The following GREB1L variants were observed in gnomAD, a reference collection of about 807,000 sequenced individuals.
The protein encoded by GREB1L is GREB1-like protein.
A neutral mutation model predicts 200.8 loss-of-function variants in GREB1L; 17 were observed. That is an observed-to-expected ratio of 0.08 (90% CI 0.06 to 0.13). GREB1L has a LOEUF of 0.13. Ranked by LOEUF, GREB1L falls within the 10% of genes least tolerant of loss-of-function variation. GREB1L has a pLI of 1.00. For missense variants in GREB1L, 1,657 were observed against 2,367.7 expected (o/e 0.70, Z 6.23); for synonymous variants, 789 against 893.0 (o/e 0.88, Z 2.08).
chr18:21,386,649 G>A (rs1248758329), intron 4 of GREB1L, among the ~76,000 whole-genome samples: 3 of 146,732 alleles, frequency 2.0e-5, no homozygotes, highest in Non-Finnish European at 3.0e-5. Context: ...GACTACAGGC[G>A]CCCGCTAACA....
intron 11 of GREB1L, among the ~76,000 whole-genome samples, chr18:21,445,550 CTT>C (rs1374295672): frequency 1.3e-5 from 2 of 152,102 alleles, no homozygotes; most frequent in Non-Finnish European, 2.9e-5. Flanking sequence ...AGTATGCACT[CTT>C]GTGAAATTTT....
At chr18:21,504,684 C>T (rs2036939535) in intron 23 of GREB1L, among the ~76,000 whole-genome samples, 1 of 152,156 alleles carries the variant, frequency 6.6e-6, no homozygotes, top group South Asian at 2.1e-4. Flanking sequence ...AAAACGTTAG[C>T]TGGGCATGGT....
rs112693376 is a variant in GREB1L, at chr18:21,454,862, G to A, written c.2182+299G>A. 9.6e-4 allele frequency: 379 copies of A among 393,260 alleles called. 1 individual carries two copies. Among genetic ancestry groups the A allele is most frequent in the African/African-American group, 7.3e-3 (353 of 48,306 alleles). The allele number at this position is 393,260 out of a possible 1,614,324, so 24.4% of individuals were successfully genotyped here. ...ATGGATGAAGAGAAATTTTCTCAAG[G>A]CGAGGATGGCCCTGCATGGGTTGAT... On this transcript the variant is annotated intron_variant, in intron 15 of 32. Transcript: ENST00000424526.
chr18:21,451,006 T>G lies in GREB1L; in HGVS notation c.1721-17T>G. The stretch of plus-strand genomic sequence containing the variant: ...TGTTCTGTTGATGAGTCTTCTCTTC[T>G]CTCCTCCATCCTGCAGGTCAGCACC... On this transcript the variant is annotated splice_polypyrimidine_tract_variant and intron_variant, in intron 12 of 32. Transcript: ENST00000424526. The G allele has an allele frequency of 6.4e-7, 1 of 1,550,968 alleles. No individual in the cohort carries two copies. The highest frequency in any genetic ancestry group is 1.4e-5 in the African/African-American group (1 of 73,124).
chr18:21,254,061 A>ATTTTTTTTT (rs547876546), intron 1 of GREB1L, among the ~76,000 whole-genome samples: 1 of 70,426 alleles, frequency 1.4e-5, no homozygotes, highest in African/African-American at 6.7e-5. Flanking sequence ...TTTCAGGCAT[A>ATTTTTTTTT]TTTTTTTTTT....
intron 1 of GREB1L, among the ~76,000 whole-genome samples, chr18:21,362,053 C>T (rs2039587788): frequency 6.6e-6 from 1 of 151,876 alleles, no homozygotes; most frequent in African/African-American, 2.4e-5. Flanking sequence ...TATAAGTGTT[C>T]TATAATTATT....
At chr18:21,337,854 G>A (rs2039210081) in intron 1 of GREB1L, among the ~76,000 whole-genome samples, 1 of 151,996 alleles carries the variant, frequency 6.6e-6, no homozygotes, top group Non-Finnish European at 1.5e-5. Context: ...GGGCGTGGTG[G>A]TGGGCGCCTA....
At chr18:21,360,304 C>T (rs1216151444) in intron 1 of GREB1L, among the ~76,000 whole-genome samples, 1 of 152,148 alleles carries the variant, frequency 6.6e-6, no homozygotes, top group Non-Finnish European at 1.5e-5. Context: ...CTGCAACCTC[C>T]GCCTCCCGGG....
chr18:21,265,839 A>G (rs1467723679), intron 1 of GREB1L, among the ~76,000 whole-genome samples: 3 of 152,098 alleles, frequency 2.0e-5, no homozygotes, highest in Non-Finnish European at 4.4e-5. Flanking sequence ...GAAATGACCT[A>G]ATTTTAGTAT....
chr18:21,250,965 A>T (rs757537852), intron 1 of GREB1L, among the ~76,000 whole-genome samples: 22 of 152,134 alleles, frequency 1.4e-4, no homozygotes, highest in Non-Finnish European at 2.6e-4. Flanking sequence ...CTCCATGCAT[A>T]TTTATATATA....
chr18:21,244,738 C>T (rs540581070), intron 1 of GREB1L, among the ~76,000 whole-genome samples: 57 of 152,284 alleles, frequency 3.7e-4, no homozygotes, highest in Non-Finnish European at 7.1e-4. Context: ...AACAGCTACT[C>T]TCCTTACCCA....
intron 1 of GREB1L, among the ~76,000 whole-genome samples, chr18:21,294,949 G>T (rs958521317): frequency 1.3e-5 from 2 of 151,962 alleles, no homozygotes; most frequent in Admixed American, 1.3e-4. Context: ...AATTTCCCTT[G>T]GTATGTGTCC....
At chr18:21,452,016 G>A (rs2034550744) in intron 13 of GREB1L, 67 bp from the exon 14 acceptor site, 1 of 1,463,002 alleles carries the variant, frequency 6.8e-7, no homozygotes. Flanking sequence ...TGCCCAACTT[G>A]GGCAGTTAAT....
rs189772001 is a variant in GREB1L at position 21,383,774 on chromosome 18, G to A, written c.157+99G>A. ...GTTGCCCAGGCTGGAGTGCAGTGGC[G>A]TGATCTCGGCTCACTGCAACGTCTG... On this transcript the variant is annotated intron_variant, in intron 3 of 32. Transcript: ENST00000424526. 136 of 1,191,122 alleles carry A rather than the reference G, an allele frequency of 1.1e-4. No homozygotes were observed. The African/African-American group carries it at 1.3e-3, about 12-fold the overall frequency. The allele number at this position is 1,191,122 out of a possible 1,614,324, so 73.8% of individuals were successfully genotyped here.
intron 8 of GREB1L, 40 bp downstream of exon 8, chr18:21,439,677 C>G: frequency 1.6e-6 from 2 of 1,249,758 alleles, no homozygotes; most frequent in Non-Finnish European, 2.3e-6. Flanking sequence ...AATGCACTTA[C>G]CAGTGGTTAC....
In GREB1L at chr18:21,429,129, T is replaced by TCCTTCCTTCCTTCCTTCCTTCCTTCCTC. The variant is rs1555645533; in HGVS notation, c.833-10373_833-10372insTCCTTCCTCCCTTCCTTCCTTCCTTCCT. 8.2e-4 allele frequency among the ~76,000 whole-genome samples: 107 copies of TCCTTCCTTCCTTCCTTCCTTCCTTCCTC among 130,874 alleles called. 1 individual carries two copies. The highest frequency in any genetic ancestry group is 3.4e-3 in the African/African-American group (105 of 30,478). The allele number at this position is 130,874 out of a possible 152,430, so 85.9% of individuals were successfully genotyped here. ...ATTCTCCCTTCCTTCCTTCCTTCCT[T>TCCTTCCTTCCTTCCTTCCTTCCTTCCTC]CCTTCCTTCCTTCCTTCCTCCCTTC... On this transcript the variant is annotated intron_variant, in intron 7 of 32. Transcript: ENST00000424526.
At chr18:21,450,624 A>G (rs1018538460) in intron 12 of GREB1L, 16 of 156,802 alleles carry the variant, frequency 1.0e-4, no homozygotes, top group African/African-American at 3.6e-4. Flanking sequence ...AAGGTTTTTC[A>G]TACTCTTCCC....
At chr18:21,437,924 C>T (rs1240016277) in intron 7 of GREB1L, among the ~76,000 whole-genome samples, 1 of 152,164 alleles carries the variant, frequency 6.6e-6, no homozygotes, top group African/African-American at 2.4e-5. Flanking sequence ...AAATTATTGG[C>T]TATATGCGGT....
intron 1 of GREB1L, among the ~76,000 whole-genome samples, chr18:21,280,582 A>G (rs1207980760): frequency 4.6e-5 from 7 of 152,104 alleles, no homozygotes; most frequent in African/African-American, 1.7e-4. Context: ...ATGTATTTAT[A>G]TCTACTTGTT....
Sources: allele counts gnomAD v4.1 joint callset (sites outside exome capture counted in the v4.1 genomes callset), GRCh38; gene constraint gnomAD v4.1.1; transcripts MANE v1.5; gene names NCBI Gene and HGNC (gene_info 2026-07-23, HGNC 2026-07-21).